Variants in SAMD7 observed in about 807,000 individuals in gnomAD.
The protein encoded by SAMD7 is sterile alpha motif domain-containing protein 7.
In SAMD7, 34 loss-of-function variants were observed where a neutral mutation model predicts 36.7. The observed-to-expected ratio is 0.93, with a 90% CI of 0.71 to 1.23. The LOEUF is 1.23. SAMD7 is among the 50% of genes most tolerant of loss of function. SAMD7 has a pLI of 0.00. For missense variants in SAMD7, 570 were observed against 546.6 expected, an observed-to-expected ratio of 1.04 and a Z score of -0.43; for synonymous variants, 188 against 189.7, an observed-to-expected ratio of 0.99 and a Z score of 0.07.
At chr3:169,915,213 G>C (rs1191584910) in intron 1 of SAMD7, among the ~76,000 whole-genome samples, 154 bp from the exon 2 acceptor site, 1 of 152,182 alleles carries the variant, frequency 6.6e-6, no homozygotes, top group Non-Finnish European at 1.5e-5. Context: ...CTCCCAGCAG[G>C]GTTGAGCACC....
intron 2 of SAMD7, among the ~76,000 whole-genome samples, 197 bp downstream of exon 2, chr3:169,915,638 G>A (rs908784847): frequency 8.6e-5 from 11 of 128,560 alleles, no homozygotes; most frequent in Non-Finnish European, 1.6e-4. Flanking sequence ...AGGCTGGAGT[G>A]CAGCGGTGCG....
At chr3:169,927,293 T>A (rs900938361) in intron 6 of SAMD7, 112 bp downstream of exon 6, 18 of 757,316 alleles carry the variant, frequency 2.4e-5, no homozygotes, top group Non-Finnish European at 3.3e-5. Flanking sequence ...TTCTTTTTTT[T>A]TTTTTTTTTT....
At chr3:169,918,558 C>T (rs752234303) in intron 2 of SAMD7, among the ~76,000 whole-genome samples, 2 of 152,164 alleles carry the variant, frequency 1.3e-5, no homozygotes, top group African/African-American at 4.8e-5. Context: ...AAAATGTTAT[C>T]CCTTTAACAG....
chr3:169,928,668 TC>T, intron 7 of SAMD7, 90 bp downstream of exon 7: 1 of 1,306,996 alleles, frequency 7.7e-7, no homozygotes, highest in Non-Finnish European at 1.1e-6. Context: ...GCATTGTGCC[TC>T]CAGAAAGGAT....
intron 8 of SAMD7, among the ~76,000 whole-genome samples, chr3:169,937,752 A>C (rs1317111013): frequency 6.6e-6 from 1 of 152,186 alleles, no homozygotes; most frequent in East Asian, 1.9e-4. Flanking sequence ...AGAATGATTT[A>C]TATTCCTTTG....
At chr3:169,928,207 A>C (rs1000526160) in intron 6 of SAMD7, among the ~76,000 whole-genome samples, 20 of 152,226 alleles carry the variant, frequency 1.3e-4, no homozygotes, top group Admixed American at 1.2e-3. Flanking sequence ...TTTCTGTTGT[A>C]ATCTGAGAGA....
Position 169,938,605 on chromosome 3 carries a change from A to C in SAMD7, c.*99A>C. 2 of 773,738 alleles carry C rather than the reference A, an allele frequency of 2.6e-6. No homozygotes were observed. The highest frequency in any genetic ancestry group is 4.0e-6 in the Non-Finnish European group (2 of 499,852). The allele number at this position is 773,738 out of a possible 1,614,324, so 47.9% of individuals were successfully genotyped here. A position where few individuals can be genotyped will look rare whatever the true frequency, so the allele number is the denominator to read the frequency against. On this transcript the variant is annotated 3_prime_UTR_variant, in exon 9 of 9. Transcript: ENST00000335556. The stretch of plus-strand genomic sequence containing the variant: ...ATTTCCCAGTACTGGATGGAGAATG[A>C]GAAGAGAAAGTCAGCCTTTCTGGGG...
chr3:169,938,285 G>C (rs760162231), intron 8 of SAMD7, 33 bp from the exon 9 acceptor site: 1 of 1,451,896 alleles, frequency 6.9e-7, no homozygotes, highest in Non-Finnish European at 9.5e-7. Context: ...AAAATTCATA[G>C]AATTGATTAC....
chr3:169,935,961 C>T (rs1252491677), intron 7 of SAMD7, among the ~76,000 whole-genome samples: 1 of 152,204 alleles, frequency 6.6e-6, no homozygotes, highest in Non-Finnish European at 1.5e-5. Context: ...TTACCCACAT[C>T]CCTTTACTTA....
intron 8 of SAMD7, among the ~76,000 whole-genome samples, chr3:169,938,100 G>A (rs1388922634): frequency 6.6e-6 from 1 of 151,948 alleles, no homozygotes; most frequent in Non-Finnish European, 1.5e-5. Context: ...GCTGCCCCTG[G>A]TTAGAGCCAC....
intron 4 of SAMD7, among the ~76,000 whole-genome samples, chr3:169,922,407 C>A (rs563363204): frequency 6.6e-6 from 1 of 152,292 alleles, no homozygotes; most frequent in South Asian, 2.1e-4. Context: ...CCCAGGAGAG[C>A]ATGGTGGCCT....
rs1269324567 is a variant in SAMD7, at chr3:169,936,385, C to A, written c.1088C>A (p.Thr363Lys). The A allele has an allele frequency of 6.2e-7, 1 of 1,613,644 alleles. No homozygotes were observed. The highest frequency in any genetic ancestry group is 1.1e-5 in the South Asian group (1 of 91,060). ...AIDGETLPLL[T>K]EEHLRGTMGL... The stretch of plus-strand genomic sequence containing the variant: ...GATGGAGAAACTTTGCCATTACTCA[C>A]AGAAGAGCATCTTCGAGGCACTATG... Residue 363 changes from threonine to lysine, a missense_variant, in exon 8 of 9, where the codon ACA becomes AAA. Coordinates refer to ENST00000335556, the MANE Select transcript of SAMD7 (RefSeq NM_001304366.2).
chr3:169,912,297 T>A (rs1009548200), intron 1 of SAMD7, among the ~76,000 whole-genome samples: 2 of 152,152 alleles, frequency 1.3e-5, no homozygotes, highest in African/African-American at 4.8e-5. Flanking sequence ...AGTAGAAAAT[T>A]TCAGAAAAAC....
In SAMD7 at chr3:169,921,595, C is replaced by G. The variant is rs147197866; in HGVS notation, c.211+257C>G. Among the ~76,000 whole-genome samples the G allele has an allele frequency of 9.9e-4, 151 of 152,264 alleles. 1 individual carries two copies. The highest frequency in any genetic ancestry group is 3.5e-3 in the African/African-American group (147 of 41,542). On this transcript the variant is annotated intron_variant, in intron 4 of 8. Coordinates refer to ENST00000335556, the MANE Select transcript of SAMD7 (RefSeq NM_001304366.2). ...ACTGCAGTATTACTATTTGTCTTAT[C>G]TTACACATGAGGAACTGATAAAGTT... is the stretch of plus-strand genomic sequence containing the variant.
chr3:169,920,912 A>T (rs1713015400), intron 3 of SAMD7, among the ~76,000 whole-genome samples: 1 of 152,254 alleles, frequency 6.6e-6, no homozygotes, highest in Non-Finnish European at 1.5e-5. Context: ...ACTGTTGGTC[A>T]TGAAAAATCA....
chr3:169,931,001 T>TCTCACCACTCACCTC (rs1713467689), intron 7 of SAMD7, among the ~76,000 whole-genome samples: 1 of 151,898 alleles, frequency 6.6e-6, no homozygotes, highest in African/African-American at 2.4e-5. Flanking sequence ...CTCAGCAACT[T>TCTCACCACTCACCTC]CTCACCACTC....
intron 7 of SAMD7, chr3:169,932,424 G>A (rs368249661): frequency 2.9e-5 from 18 of 619,438 alleles, no homozygotes; most frequent in East Asian, 8.0e-5. Context: ...ACCATATGCC[G>A]GTTATGATAG....
At chr3:169,933,088 A>AC (rs1266527314) in intron 7 of SAMD7, 3 of 890,104 alleles carry the variant, frequency 3.4e-6, no homozygotes, top group Middle Eastern at 2.3e-4. Context: ...ATGGCCCATG[A>AC]CCCCCTCTCC....
intron 7 of SAMD7, chr3:169,932,193 T>C: frequency 1.4e-6 from 1 of 716,942 alleles, no homozygotes. Context: ...CGTTGCAGTC[T>C]TCCTAGGAGA....
Sources: gnomAD v4.1 joint callset for allele counts (sites outside exome capture counted in the v4.1 genomes callset) on GRCh38, gnomAD v4.1.1 for gene constraint, MANE v1.5 for transcripts, NCBI Gene and HGNC (gene_info 2026-07-23, HGNC 2026-07-21) for gene names.